The following FKTN variants were observed in gnomAD, a reference collection of about 807,000 sequenced individuals.
FKTN encodes ribitol-5-phosphate transferase FKTN.
In FKTN, 47 loss-of-function variants were observed where a neutral mutation model predicts 58.6. That is an observed-to-expected ratio of 0.80 (90% CI 0.63 to 1.02). FKTN has a LOEUF of 1.02. Among genes scored for constraint, FKTN ranks in the 50% least tolerant of loss-of-function variants. FKTN has a pLI of 0.00. For synonymous variants in FKTN, 178 were observed against 191.9 expected (o/e 0.93, Z 0.60); for missense variants, 516 against 537.3 (o/e 0.96, Z 0.39).
intron 7 of FKTN, among the ~76,000 whole-genome samples, chr9:105,609,104 T>C (rs1335224523): frequency 6.6e-6 from 1 of 152,218 alleles, no homozygotes; most frequent in African/African-American, 2.4e-5. Flanking sequence ...TTACCTGTGT[T>C]GGCCCAGTAT....
At chr9:105,633,490 A>G (rs1422570578) in intron 10 of FKTN, 1 of 152,264 alleles carries the variant, frequency 6.6e-6, no homozygotes, top group Non-Finnish European at 1.5e-5. Flanking sequence ...CATTCTGCTA[A>G]CCAGCATCTG....
intron 7 of FKTN, among the ~76,000 whole-genome samples, chr9:105,609,505 T>A (rs187471156): frequency 1.3e-5 from 2 of 152,334 alleles, no homozygotes; most frequent in Admixed American, 1.3e-4. Flanking sequence ...TTTTGTCAGT[T>A]GTCCCAATAA....
chr9:105,590,468 G>C (rs1463986882), intron 3 of FKTN, among the ~76,000 whole-genome samples: 1 of 152,182 alleles, frequency 6.6e-6, no homozygotes, highest in Non-Finnish European at 1.5e-5. Context: ...CAGTTAGAAG[G>C]CTATTCTAGT....
At chr9:105,576,350 A>T (rs1360722367) in intron 3 of FKTN, among the ~76,000 whole-genome samples, 1 of 151,876 alleles carries the variant, frequency 6.6e-6, no homozygotes, top group Non-Finnish European at 1.5e-5. Context: ...CCAGAGTGTG[A>T]TATTCCCCTT....
intron 9 of FKTN, among the ~76,000 whole-genome samples, chr9:105,619,624 C>T (rs189366792): frequency 4.6e-4 from 70 of 152,062 alleles, no homozygotes; most frequent in African/African-American, 1.6e-3. Flanking sequence ...CTTTTTTAGT[C>T]AGAAAGCTGC....
Position 105,635,272 on chromosome 9 carries a change from G to C in FKTN, c.*8G>C. On this transcript the variant is annotated 3_prime_UTR_variant, in exon 11 of 11. Transcript: ENST00000357998. ...GTTATCCAGTTATATTGAGATAGTA[G>C]GTTGAAATGGGAGAATTTCTCTTTT... The C allele has an allele frequency of 1.9e-6, 3 of 1,613,858 alleles. No homozygotes were observed. Among genetic ancestry groups the C allele is most frequent in the Non-Finnish European group, 2.5e-6 (3 of 1,179,778 alleles).
At chr9:105,580,112 C>T (rs540567353) in intron 3 of FKTN, among the ~76,000 whole-genome samples, 1 of 152,004 alleles carries the variant, frequency 6.6e-6, no homozygotes, top group Non-Finnish European at 1.5e-5. Flanking sequence ...GGTCTTGACT[C>T]TTTATCCAAT....
At chr9:105,562,040 C>T (rs1043269777) in intron 1 of FKTN, among the ~76,000 whole-genome samples, 2 of 151,850 alleles carry the variant, frequency 1.3e-5, no homozygotes, top group South Asian at 2.1e-4. Flanking sequence ...TTACACTACT[C>T]TCTTTCCTCT....
intron 6 of FKTN, among the ~76,000 whole-genome samples, chr9:105,605,083 G>A (rs546536330): frequency 7.9e-5 from 12 of 152,090 alleles, no homozygotes; most frequent in Admixed American, 3.9e-4. Context: ...CTACAATGCT[G>A]AATGACACAA....
At chr9:105,610,610 G>A (rs139730812) in intron 7 of FKTN, among the ~76,000 whole-genome samples, 21 of 151,964 alleles carry the variant, frequency 1.4e-4, no homozygotes, top group East Asian at 3.9e-4. Flanking sequence ...CACACACGTA[G>A]AGGCATTCTT....
intron 1 of FKTN, among the ~76,000 whole-genome samples, chr9:105,566,365 G>A (rs565150415): frequency 6.6e-6 from 1 of 152,036 alleles, no homozygotes; most frequent in Admixed American, 6.6e-5. Context: ...TCAGGAGCTG[G>A]TTTTTTGAAA....
At chr9:105,575,362 T>C (rs1206530773) in intron 3 of FKTN, among the ~76,000 whole-genome samples, 2 of 152,232 alleles carry the variant, frequency 1.3e-5, no homozygotes, top group Admixed American at 1.3e-4. Flanking sequence ...TTTCCTGAGC[T>C]AGTTATTTAA....
intron 3 of FKTN, among the ~76,000 whole-genome samples, chr9:105,586,012 A>G (rs1843828690): frequency 6.6e-6 from 1 of 152,154 alleles, no homozygotes. Context: ...CTGCAGCACC[A>G]TGGTAAGAAG....
rs1054760144 is a variant in FKTN, at chr9:105,637,728, G to A, written c.*2464G>A. The stretch of plus-strand genomic sequence containing the variant: ...AACTTGTTGGTAGTTAGGCACCCAT[G>A]AATGTCTCCAGAGACATCCTGAGAG... On this transcript the variant is annotated 3_prime_UTR_variant, in exon 11 of 11. Coordinates refer to ENST00000357998, the MANE Select transcript of FKTN (RefSeq NM_001079802.2). 22 of 985,272 alleles carry A rather than the reference G, an allele frequency of 2.2e-5. No individual in the cohort carries two copies. The highest frequency in any genetic ancestry group is 6.1e-5 in the Admixed American group (1 of 16,264). The allele number at this position is 985,272 out of a possible 1,614,324, so 61.0% of individuals were successfully genotyped here. A position where few individuals can be genotyped will look rare whatever the true frequency, so the allele number is the denominator to read the frequency against.
At chr9:105,581,813 A>C (rs1001208659) in intron 3 of FKTN, among the ~76,000 whole-genome samples, 33 of 152,170 alleles carry the variant, frequency 2.2e-4, no homozygotes, top group Non-Finnish European at 4.4e-4. Context: ...GCTAGCAATC[A>C]GCGAGATTCC....
Position 105,635,473 on chromosome 9 carries a change from A to G in FKTN, c.*209A>G, listed in dbSNP as rs1437779234. The G allele has an allele frequency of 2.4e-5, 35 of 1,431,132 alleles. No individual in the cohort carries two copies. The highest frequency in any genetic ancestry group is 2.9e-5 in the African/African-American group (2 of 69,568). 88.7% of individuals were successfully genotyped at this position (1,431,132 alleles called of 1,614,324 possible). On this transcript the variant is annotated 3_prime_UTR_variant, in exon 11 of 11. Coordinates refer to ENST00000357998, the MANE Select transcript of FKTN (RefSeq NM_001079802.2). ...CATACAATGCTAGGTTACAGTGGAG[A>G]AGCCTAGATGAATGAGACAAATACC...
At chr9:105,624,707 C>A (rs1408023190) in intron 10 of FKTN, among the ~76,000 whole-genome samples, 5 of 151,760 alleles carry the variant, frequency 3.3e-5, no homozygotes, top group African/African-American at 7.3e-5. Context: ...ATACATCTAA[C>A]CCCCTCCCTG....
At position 105,575,046 on chromosome 9, in the gene FKTN, A is replaced by G. The variant is rs751473818; in HGVS notation, c.14A>G (p.Asn5Ser). The G allele has an allele frequency of 6.2e-5, 99 of 1,598,794 alleles. No homozygotes were observed. The highest frequency in any genetic ancestry group is 7.5e-5 in the Non-Finnish European group (87 of 1,166,174). Residue 5 changes from asparagine to serine, a missense_variant, in exon 3 of 11, where the codon AAT (asparagine) becomes AGT (serine). By Grantham distance (46) the Asn-to-Ser change is conservative. Coordinates refer to ENST00000357998, the MANE Select transcript of FKTN (RefSeq NM_001079802.2). The stretch of plus-strand genomic sequence containing the variant: ...CAGCACAGACTAATGAGTAGAATCA[A>G]TAAGAACGTGGTTTTGGCCCTTTTA... MSRI[N>S]KNVVLALLTL...
Position 105,635,843 on chromosome 9 carries a change from ATTC to A in FKTN, c.*582_*584del, listed in dbSNP as rs1833993788. 4.0e-6 allele frequency: 4 copies of A among 995,166 alleles called. No homozygotes were observed. In the Admixed American group the frequency reaches 2.1e-4, roughly 53 times the overall value. The allele number at this position is 995,166 out of a possible 1,614,324, so 61.6% of individuals were successfully genotyped here. On this transcript the variant is annotated 3_prime_UTR_variant, in exon 11 of 11. Transcript: ENST00000357998. ...GAATTGAATTAGAGAACAAGGCATT[ATTC>A]TTTTAGGGAAGGTGAGAGCTTATTT...
Sources: allele counts gnomAD v4.1 joint callset (sites outside exome capture counted in the v4.1 genomes callset), GRCh38; gene constraint gnomAD v4.1.1; transcripts MANE v1.5; gene names NCBI Gene and HGNC (gene_info 2026-07-23, HGNC 2026-07-21).